Variants in KAZN observed in about 807,000 individuals in gnomAD.
The protein encoded by KAZN is kazrin.
In KAZN, 40 loss-of-function variants were observed where a neutral mutation model predicts 87.4. The ratio of observed to expected loss-of-function variants is 0.46; its 90% CI spans 0.36 to 0.60. KAZN has a LOEUF of 0.60. Among genes scored for constraint, KAZN ranks in the 20% least tolerant of loss-of-function variants. The pLI is 0.00. For synonymous variants in KAZN, 466 were observed against 458.3 expected, an observed-to-expected ratio of 1.02 and a Z score of -0.22; for missense variants, 898 against 1,073.9, an observed-to-expected ratio of 0.84 and a Z score of 2.29.
intron 2 of KAZN, among the ~76,000 whole-genome samples, chr1:14,285,374 T>C (rs1198491411): frequency 6.6e-6 from 1 of 152,206 alleles, no homozygotes; most frequent in African/African-American, 2.4e-5. Flanking sequence ...GGCAGTCTAT[T>C]GGTTCCTCTC....
intron 1 of KAZN, among the ~76,000 whole-genome samples, chr1:14,883,750 G>A (rs1221090869): frequency 2.0e-5 from 3 of 152,122 alleles, no homozygotes; most frequent in South Asian, 2.1e-4. Context: ...TCAGACAGGG[G>A]GCCTACCTTT....
In KAZN at chr1:15,094,741, A is replaced by G. The variant is rs1640724980; in HGVS notation, c.1429-74A>G. On this transcript the variant is annotated intron_variant, in intron 9 of 14. Transcript: ENST00000376030. The surrounding 1 kb of genome is among the most constrained non-coding windows in gnomAD (Gnocchi z 4.5). Reference sequence around the variant, plus strand: ...GAGATGGGGAAGGAGCCCCATGTCAACAGACCCCCTCTAGGGCAGGAACCC... The same window carrying G: ...GAGATGGGGAAGGAGCCCCATGTCAGCAGACCCCCTCTAGGGCAGGAACCC... 2 of 1,115,564 alleles carry G rather than the reference A, an allele frequency of 1.8e-6. No individual in the cohort carries two copies. The highest frequency in any genetic ancestry group is 2.8e-5 in the South Asian group (2 of 71,290). The allele number at this position is 1,115,564 out of a possible 1,614,324, so 69.1% of individuals were successfully genotyped here.
At chr1:14,906,191 TAATAATAATAATAATAA>T (rs1557607832) in intron 1 of KAZN, among the ~76,000 whole-genome samples, 12 of 47,462 alleles carry the variant, frequency 2.5e-4, no homozygotes, top group Admixed American at 9.7e-4. Context: ...ATAATAATAA[TAATAATAATAATAATAA>T]TAATAATAAT....
chr1:15,059,743 G>C (rs1638621015), intron 5 of KAZN, among the ~76,000 whole-genome samples: 1 of 152,174 alleles, frequency 6.6e-6, no homozygotes, highest in South Asian at 2.1e-4. Context: ...GATTGCACCA[G>C]GTCTAGGAAT....
chr1:14,503,577 A>T (rs1418723283), intron 2 of KAZN, among the ~76,000 whole-genome samples: 1 of 149,922 alleles, frequency 6.7e-6, no homozygotes, highest in Non-Finnish European at 1.5e-5. Flanking sequence ...GTAATTCCAC[A>T]TCAAAACACA....
At chr1:14,354,971 T>C (rs1658887575) in intron 2 of KAZN, among the ~76,000 whole-genome samples, 1 of 151,950 alleles carries the variant, frequency 6.6e-6, no homozygotes, top group African/African-American at 2.4e-5. Flanking sequence ...GGAGAATGGA[T>C]AAACAAACTG....
At chr1:13,939,333 A>C (rs1640851737) in intron 1 of KAZN, among the ~76,000 whole-genome samples, 1 of 152,232 alleles carries the variant, frequency 6.6e-6, no homozygotes, top group Admixed American at 6.5e-5. Flanking sequence ...AGATACCCTA[A>C]GTCATCACTC....
intron 2 of KAZN, among the ~76,000 whole-genome samples, chr1:14,569,044 A>T (rs1475099750): frequency 6.6e-6 from 1 of 152,178 alleles, no homozygotes. Flanking sequence ...AAAATATCCC[A>T]CAAAAAATTC....
chr1:14,784,691 C>T (rs952623321), intron 1 of KAZN, among the ~76,000 whole-genome samples: 1 of 152,046 alleles, frequency 6.6e-6, no homozygotes, highest in African/African-American at 2.4e-5. Context: ...CCCGGGAGGT[C>T]GAGGCTGCAA....
At chr1:14,418,252 A>C (rs920118597) in intron 2 of KAZN, among the ~76,000 whole-genome samples, 3 of 151,994 alleles carry the variant, frequency 2.0e-5, no homozygotes, top group Non-Finnish European at 4.4e-5. Flanking sequence ...TTTTAACTCC[A>C]CAAGTTCCTA....
intron 2 of KAZN, among the ~76,000 whole-genome samples, chr1:14,577,102 G>A (rs1027580895): frequency 1.3e-5 from 2 of 152,178 alleles, no homozygotes; most frequent in African/African-American, 4.8e-5. Context: ...GAACACTTTT[G>A]CAACATTTCT....
chr1:14,071,679 C>T (rs1243330046), intron 1 of KAZN, among the ~76,000 whole-genome samples: 1 of 152,100 alleles, frequency 6.6e-6, no homozygotes, highest in Non-Finnish European at 1.5e-5. Context: ...GCGGGCACCT[C>T]CTGCAGCAAT....
intron 2 of KAZN, among the ~76,000 whole-genome samples, chr1:14,964,077 T>A (rs146852710): frequency 7.7e-4 from 117 of 152,348 alleles, no homozygotes; most frequent in Non-Finnish European, 1.3e-3. Flanking sequence ...TTGTAAATAG[T>A]GCTGCAGTAA....
intron 1 of KAZN, among the ~76,000 whole-genome samples, chr1:14,101,668 T>G (rs1189420606): frequency 6.6e-6 from 1 of 152,170 alleles, no homozygotes; most frequent in Non-Finnish European, 1.5e-5. Context: ...ATTTGAAAAT[T>G]ACTTTAAGTA....
intron 2 of KAZN, among the ~76,000 whole-genome samples, chr1:14,538,668 A>G (rs1672638433): frequency 6.6e-6 from 1 of 152,226 alleles, no homozygotes; most frequent in Non-Finnish European, 1.5e-5. Flanking sequence ...ATTATGGAGA[A>G]GACACATTGA....
intron 1 of KAZN, among the ~76,000 whole-genome samples, chr1:14,952,414 A>C (rs569062546): frequency 6.6e-6 from 1 of 152,186 alleles, no homozygotes; most frequent in African/African-American, 2.4e-5. Flanking sequence ...TTGGTTGTGT[A>C]TCTGGATTTA....
intron 1 of KAZN, among the ~76,000 whole-genome samples, chr1:14,701,190 C>T (rs1332299087): frequency 1.3e-5 from 2 of 152,186 alleles, no homozygotes; most frequent in Non-Finnish European, 2.9e-5. Flanking sequence ...GCTCACAGCT[C>T]ACTGCACTTA....
At chr1:15,109,757 TTG>T (rs1424847671) in intron 13 of KAZN, among the ~76,000 whole-genome samples, 1 of 122,500 alleles carries the variant, frequency 8.2e-6, no homozygotes, top group African/African-American at 3.2e-5. Flanking sequence ...GTTTGTATGT[TTG>T]TGTCTGTATG....
At chr1:14,383,533 T>C (rs1161229528) in intron 2 of KAZN, among the ~76,000 whole-genome samples, 2 of 151,670 alleles carry the variant, frequency 1.3e-5, no homozygotes, top group Non-Finnish European at 2.9e-5. Context: ...TTTCTACATA[T>C]GGCTAGCCAG....
Sources: gnomAD v4.1 joint callset for allele counts (sites outside exome capture counted in the v4.1 genomes callset) on GRCh38, gnomAD v4.1.1 for gene constraint, Gnocchi (gnomAD v3.1) non-coding constraint, MANE v1.5 for transcripts, NCBI Gene and HGNC (gene_info 2026-07-23, HGNC 2026-07-21) for gene names.